The following BNC2 variants were observed in gnomAD, a reference collection of about 807,000 sequenced individuals.
BNC2 encodes the protein zinc finger protein basonuclin-2.
BNC2 carries 20 observed loss-of-function variants against 76.3 expected under a neutral mutation model. That is an observed-to-expected ratio of 0.26 (90% CI 0.18 to 0.38). The LOEUF (loss-of-function observed/expected upper bound fraction) is 0.38, where lower values mean the gene tolerates loss of function less well. Ranked by LOEUF, BNC2 falls within the 10% of genes least tolerant of loss-of-function variation. BNC2 has a pLI of 1.00. For synonymous variants in BNC2, 582 were observed against 514.8 expected, an observed-to-expected ratio of 1.13 and a Z score of -1.77; for missense variants, 1,382 against 1,399.8, an observed-to-expected ratio of 0.99 and a Z score of 0.20.
chr9:16,501,125 T>C lies in BNC2; in HGVS notation c.669+51405A>G, dbSNP rs111394074. On this transcript the variant is annotated intron_variant, in intron 5 of 6. Transcript: ENST00000380672. Reference sequence around the variant, plus strand: ...GTTAGTAATCATACTTACTACAGAGTTGGTGTGGTAACAAAATGAGCAAAT... The same window carrying C: ...GTTAGTAATCATACTTACTACAGAGCTGGTGTGGTAACAAAATGAGCAAAT... Among the ~76,000 whole-genome samples, 964 of 143,288 alleles carry C rather than the reference T, an allele frequency of 6.7e-3. 7 individuals carry two copies. The highest frequency in any genetic ancestry group is 7.8e-3 in the Non-Finnish European group (509 of 65,446). 94.0% of individuals were successfully genotyped at this position (143,288 alleles called of 152,430 possible).
intron 3 of BNC2, among the ~76,000 whole-genome samples, chr9:16,713,772 T>C (rs1319281388): frequency 1.3e-5 from 2 of 152,142 alleles, no homozygotes; most frequent in Non-Finnish European, 2.9e-5. Context: ...CAGCTAAAAT[T>C]AAAATACTTA....
At chr9:16,742,523 G>A (rs1376263949) in intron 1 of BNC2, among the ~76,000 whole-genome samples, 6 of 150,726 alleles carry the variant, frequency 4.0e-5, no homozygotes, top group Non-Finnish European at 7.3e-5. Flanking sequence ...TAGGGACACA[G>A]ACAAAGACAT....
Position 16,728,148 on chromosome 9 carries a change from C to G in BNC2, c.130-151G>C. The G allele has an allele frequency of 4.0e-6, 3 of 758,588 alleles. No individual in the cohort carries two copies. The South Asian group carries it at 4.2e-5, about 11-fold the overall frequency. 47.0% of individuals were successfully genotyped at this position (758,588 alleles called of 1,614,324 possible). A position where few individuals can be genotyped will look rare whatever the true frequency, so the allele number is the denominator to read the frequency against. On this transcript the variant is annotated intron_variant, in intron 2 of 6. Transcript: ENST00000380672. ...CAGAGCTTCTTTCGCACCTTCTGCA[C>G]AGATATCCCTATCATTTATGCATAG... is the stretch of plus-strand genomic sequence containing the variant.
chr9:16,552,288 C>A (rs920409458), intron 5 of BNC2, among the ~76,000 whole-genome samples: 6 of 152,116 alleles, frequency 3.9e-5, no homozygotes, highest in African/African-American at 1.4e-4. Context: ...GAGTTGAATT[C>A]AAAAAGGTGC....
chr9:16,736,319 A>C (rs1824667107), intron 2 of BNC2, among the ~76,000 whole-genome samples: 1 of 151,928 alleles, frequency 6.6e-6, no homozygotes, highest in Admixed American at 6.6e-5. Flanking sequence ...TAGAATTATC[A>C]CAGGAAAAAG....
At chr9:16,587,760 C>T (rs1927626) in intron 3 of BNC2, among the ~76,000 whole-genome samples, 132,457 of 152,022 alleles carry the variant, frequency 0.87, 58,637 homozygotes, top group East Asian at 1. Context: ...TCTCCAACAC[C>T]GTGCTCTCTA....
chr9:16,731,357 A>C (rs554159285), intron 2 of BNC2, among the ~76,000 whole-genome samples: 71 of 152,354 alleles, frequency 4.7e-4, no homozygotes, highest in African/African-American at 1.5e-3. Flanking sequence ...ACTGATAGTG[A>C]GAGATGGACC....
At chr9:16,560,235 T>C (rs1030116760) in intron 4 of BNC2, among the ~76,000 whole-genome samples, 3 of 152,188 alleles carry the variant, frequency 2.0e-5, no homozygotes, top group Admixed American at 6.5e-5. Context: ...ACTGAATTAA[T>C]GGGTATGTGT....
chr9:16,732,492 T>C (rs575044436), intron 2 of BNC2, among the ~76,000 whole-genome samples: 2 of 152,334 alleles, frequency 1.3e-5, no homozygotes, highest in African/African-American at 4.8e-5. Flanking sequence ...TCTCCAACAA[T>C]GTAAATCCTG....
chr9:16,812,859 T>A (rs899738160), intron 1 of BNC2, among the ~76,000 whole-genome samples: 11 of 152,164 alleles, frequency 7.2e-5, no homozygotes, highest in African/African-American at 2.7e-4. Flanking sequence ...ACACACTTAG[T>A]AGTATATTTT....
intron 1 of BNC2, among the ~76,000 whole-genome samples, chr9:16,821,945 T>C (rs550414647): frequency 4.0e-5 from 6 of 151,798 alleles, no homozygotes; most frequent in African/African-American, 1.4e-4. Context: ...TACAAAAAGT[T>C]AGCCAGGTGC....
intron 4 of BNC2, among the ~76,000 whole-genome samples, chr9:16,553,117 C>T (rs553481046): frequency 5.3e-5 from 8 of 152,236 alleles, no homozygotes; most frequent in Admixed American, 4.6e-4. Context: ...TGTTTCAACC[C>T]GAGTGACGAT....
chr9:16,824,746 C>G (rs913755979), intron 1 of BNC2, among the ~76,000 whole-genome samples: 44 of 152,162 alleles, frequency 2.9e-4, no homozygotes, highest in African/African-American at 9.9e-4. Context: ...ACAGAGGGAA[C>G]CTGTTTCAGG....
At chr9:16,784,040 C>T (rs1346685797) in intron 1 of BNC2, among the ~76,000 whole-genome samples, 2 of 151,968 alleles carry the variant, frequency 1.3e-5, no homozygotes, top group Admixed American at 1.3e-4. Flanking sequence ...GGGAAAAAGG[C>T]AAAATTTCTG....
chr9:16,665,386 A>AAAAAGAG (rs1554702315), intron 3 of BNC2, among the ~76,000 whole-genome samples: 1 of 84,300 alleles, frequency 1.2e-5, no homozygotes, highest in South Asian at 5.5e-4. Context: ...AAAAAAAAAA[A>AAAAAGAG]AGAGAGAGAG....
chr9:16,632,961 C>A (rs1014538122), intron 3 of BNC2, among the ~76,000 whole-genome samples: 1 of 152,164 alleles, frequency 6.6e-6, no homozygotes, highest in Non-Finnish European at 1.5e-5. Context: ...AGCATGAGAA[C>A]TGATCATATT....
intron 2 of BNC2, among the ~76,000 whole-genome samples, chr9:16,737,071 G>T (rs923295636): frequency 1.3e-5 from 2 of 151,866 alleles, no homozygotes; most frequent in African/African-American, 4.8e-5. Context: ...CTCCCAAAGT[G>T]CTGGGATTAC....
intron 4 of BNC2, among the ~76,000 whole-genome samples, chr9:16,553,915 CCTT>C (rs1168149520): frequency 6.6e-6 from 1 of 152,120 alleles, no homozygotes; most frequent in African/African-American, 2.4e-5. Context: ...ACTCTAAACT[CCTT>C]AAGAGAACAC....
At chr9:16,743,136 G>A (rs1446748106) in intron 1 of BNC2, among the ~76,000 whole-genome samples, 1 of 152,046 alleles carries the variant, frequency 6.6e-6, no homozygotes, top group African/African-American at 2.4e-5. Context: ...AATAAAAATC[G>A]GTGGAAACAT....
Sources: allele counts gnomAD v4.1 joint callset (sites outside exome capture counted in the v4.1 genomes callset), GRCh38; gene constraint gnomAD v4.1.1; transcripts MANE v1.5; gene names NCBI Gene and HGNC (gene_info 2026-07-23, HGNC 2026-07-21).